The following CUL3 variants were observed in gnomAD, a reference collection of about 807,000 sequenced individuals.
The protein encoded by CUL3 is cullin-3.
In CUL3, 19 loss-of-function variants were observed where a neutral mutation model predicts 89.1. The ratio of observed to expected loss-of-function variants is 0.21; its 90% CI spans 0.15 to 0.31. The LOEUF is 0.31. Ranked by LOEUF, CUL3 falls within the 10% of genes least tolerant of loss-of-function variation. The pLI is 1.00. For missense variants in CUL3, 469 were observed against 942.3 expected (o/e 0.50, Z 6.58); for synonymous variants, 351 against 308.4 (o/e 1.14, Z -1.45).
At chr2:224,553,937 T>C (rs1268646808) in intron 2 of CUL3, among the ~76,000 whole-genome samples, 1 of 152,200 alleles carries the variant, frequency 6.6e-6, no homozygotes, top group African/African-American at 2.4e-5. Context: ...CAACTTATAA[T>C]ATACTGAAAC....
At chr2:224,549,859 C>T (rs1029516290) in intron 2 of CUL3, among the ~76,000 whole-genome samples, 5 of 152,062 alleles carry the variant, frequency 3.3e-5, no homozygotes, top group African/African-American at 7.2e-5. Context: ...CACATATATG[C>T]GTGCACACAC....
At chr2:224,560,163 G>A (rs904640947) in intron 1 of CUL3, among the ~76,000 whole-genome samples, 1 of 152,084 alleles carries the variant, frequency 6.6e-6, no homozygotes, top group Non-Finnish European at 1.5e-5. Flanking sequence ...TTCTACTTCT[G>A]TCTCCTATTC....
At chr2:224,478,122 A>C in intron 15 of CUL3, 78 bp downstream of exon 15, 2 of 1,414,148 alleles carry the variant, frequency 1.4e-6, no homozygotes, top group South Asian at 1.5e-5. Context: ...AATTGTTTTT[A>C]AAATTAGTTG....
chr2:224,537,616 C>T (rs1693943514), intron 2 of CUL3, among the ~76,000 whole-genome samples: 1 of 152,076 alleles, frequency 6.6e-6, no homozygotes, highest in African/African-American at 2.4e-5. Flanking sequence ...AAATTTTACA[C>T]CAAGCTTCAT....
chr2:224,497,960 GGAC>G, intron 11 of CUL3, 111 bp from the exon 12 acceptor site: 1 of 775,858 alleles, frequency 1.3e-6, no homozygotes, highest in Admixed American at 2.5e-5. Flanking sequence ...GTGTGTGTAT[GGAC>G]TTTAAAACTT....
chr2:224,499,915 C>A (rs1692311400), intron 11 of CUL3: 1 of 154,908 alleles, frequency 6.5e-6, no homozygotes, highest in Non-Finnish European at 1.4e-5. Context: ...TCTTGCATAT[C>A]ACTCTTGTTT....
chr2:224,503,888 T>C (rs1338595165), intron 8 of CUL3, 66 bp from the exon 9 acceptor site: 2 of 1,201,600 alleles, frequency 1.7e-6, no homozygotes, highest in South Asian at 1.8e-5. Context: ...CTACGGTTCA[T>C]TTACAGCTTA....
At chr2:224,562,909 C>T (rs1412189245) in intron 1 of CUL3, 3 of 180,500 alleles carry the variant, frequency 1.7e-5, no homozygotes, top group Admixed American at 6.3e-5. Context: ...ACTCACAAGC[C>T]ATGTGACCTT....
chr2:224,509,096 G>A (rs1332136303), intron 6 of CUL3, among the ~76,000 whole-genome samples: 1 of 152,168 alleles, frequency 6.6e-6, no homozygotes, highest in African/African-American at 2.4e-5. Flanking sequence ...GCTTCATAAT[G>A]GTGAAGTTGG....
rs1402390367 is a variant in CUL3, at chr2:224,503,009, T to C, written c.1441A>G (p.Asn481Asp). ...EGMFRDMSIS[N>D]TTMDEFRQHL... Reference sequence around the variant, plus strand: ...TGCCTGAATTCATCCATCGTTGTGTTTGAGATGCTCATATCCCTAAACATT... The same window carrying C: ...TGCCTGAATTCATCCATCGTTGTGTCTGAGATGCTCATATCCCTAAACATT... The change falls in exon 10 of 16, where the codon AAC becomes GAC. Residue 481 changes from asparagine (N) to aspartate (D), a missense_variant. Physicochemically the swap from Asn to Asp is conservative, Grantham distance 23. Transcript: ENST00000264414. The C allele has an allele frequency of 6.2e-7, 1 of 1,614,002 alleles. No homozygotes were observed. Among genetic ancestry groups the C allele is most frequent in the Non-Finnish European group, 8.5e-7 (1 of 1,179,890 alleles).
chr2:224,576,655 C>G (rs1695304990), intron 1 of CUL3, among the ~76,000 whole-genome samples: 1 of 132,956 alleles, frequency 7.5e-6, no homozygotes, highest in Non-Finnish European at 1.5e-5. Context: ...GGACAGGGAC[C>G]ACAACCTAAC....
chr2:224,540,248 C>T (rs542073446), intron 2 of CUL3, among the ~76,000 whole-genome samples: 6 of 151,762 alleles, frequency 4.0e-5, no homozygotes, highest in African/African-American at 1.4e-4. Context: ...GTAGAGACAA[C>T]GGTTTCACCT....
Position 224,478,356 on chromosome 2 carries a change from AAT to A in CUL3, c.2030-13_2030-12del. 1 of 1,601,258 alleles carries A rather than the reference AAT, an allele frequency of 6.2e-7. No individual in the cohort carries two copies. Among genetic ancestry groups the A allele is most frequent in the Non-Finnish European group, 8.5e-7 (1 of 1,175,844 alleles). On this transcript the variant is annotated splice_polypyrimidine_tract_variant and intron_variant, in intron 14 of 15. Transcript: ENST00000264414. ...CTTGTTTGGCAGCAACTAAAATAGAAATAAAGACATTTATCATAAATCTAATT... is the reference window on the plus strand; with the variant it reads ...CTTGTTTGGCAGCAACTAAAATAGAAAAAGACATTTATCATAAATCTAATT...
chr2:224,525,579 C>T (rs1693444327), intron 3 of CUL3, among the ~76,000 whole-genome samples: 1 of 152,078 alleles, frequency 6.6e-6, no homozygotes, highest in Non-Finnish European at 1.5e-5. Context: ...TATTGATCTC[C>T]TAAAGTATTG....
intron 3 of CUL3, among the ~76,000 whole-genome samples, chr2:224,515,075 C>T (rs1692990790): frequency 6.6e-6 from 1 of 152,158 alleles, no homozygotes; most frequent in South Asian, 2.1e-4. Context: ...TAAGGTAGCA[C>T]ACTTTCTCCC....
At chr2:224,504,336 G>T (rs751699362) in intron 8 of CUL3, 2 of 151,670 alleles carry the variant, frequency 1.3e-5, no homozygotes, top group African/African-American at 4.8e-5. Flanking sequence ...CTTTTGAGAC[G>T]GAGTTTCACT....
At chr2:224,584,834 G>T in intron 1 of CUL3, 110 bp downstream of exon 1, 2 of 666,434 alleles carry the variant, frequency 3.0e-6, no homozygotes, top group Middle Eastern at 6.6e-4. Context: ...CGGGCGTGGG[G>T]GAGGGGAGGC....
chr2:224,545,517 C>A (rs1694261341), intron 2 of CUL3, among the ~76,000 whole-genome samples: 2 of 152,182 alleles, frequency 1.3e-5, no homozygotes, highest in African/African-American at 4.8e-5. Flanking sequence ...CATTCTTACT[C>A]TTTGCTTTAA....
chr2:224,569,744 C>A (rs1225091772), intron 1 of CUL3: 2 of 1,216,224 alleles, frequency 1.6e-6, no homozygotes, highest in African/African-American at 3.2e-5. Flanking sequence ...CAAATTAAAA[C>A]TAAATGAAAA....
Sources: allele counts gnomAD v4.1 joint callset (sites outside exome capture counted in the v4.1 genomes callset), GRCh38; gene constraint gnomAD v4.1.1; transcripts MANE v1.5; gene names NCBI Gene and HGNC (gene_info 2026-07-23, HGNC 2026-07-21).